ZMAT3: variants seen among roughly 807,000 people sequenced by gnomAD.
ZMAT3 encodes the protein zinc finger matrin-type 3.
In ZMAT3, 17 loss-of-function variants were observed where a neutral mutation model predicts 32.3. That is an observed-to-expected ratio of 0.53 (90% CI 0.36 to 0.79). The LOEUF (loss-of-function observed/expected upper bound fraction) is 0.79. ZMAT3 is among the 30% of genes least tolerant of loss of function. ZMAT3 has a pLI of 0.00. For synonymous variants in ZMAT3, 120 were observed against 133.1 expected (o/e 0.90, Z 0.68); for missense variants, 329 against 359.7 (o/e 0.91, Z 0.69).
chr3:179,057,623 C>T (rs1215872257), intron 2 of ZMAT3, among the ~76,000 whole-genome samples: 2 of 152,222 alleles, frequency 1.3e-5, no homozygotes, highest in Admixed American at 6.5e-5. Flanking sequence ...TCCTCACTAC[C>T]TGTGGCTACA....
Position 179,018,446 on chromosome 3 carries a change from T to C in ZMAT3, c.*6571A>G, listed in dbSNP as rs1718382543. On this transcript the variant is annotated 3_prime_UTR_variant, in exon 6 of 6. Coordinates refer to ENST00000311417, the MANE Select transcript of ZMAT3 (RefSeq NM_022470.4). ...TTTAAGTTCAAAGAACTGCCAGATG[T>C]CTAAAAAAAAAAGTGTAATTAGTAA... The C allele has an allele frequency of 6.6e-6, 1 of 151,724 alleles. No individual in the cohort carries two copies. 9.4% of individuals were successfully genotyped at this position (151,724 alleles called of 1,614,324 possible).
intron 2 of ZMAT3, among the ~76,000 whole-genome samples, chr3:179,062,922 T>G (rs775481916): frequency 3.3e-5 from 5 of 152,212 alleles, no homozygotes; most frequent in Non-Finnish European, 5.9e-5. Context: ...TTCTGCTCAT[T>G]TGAGACCCAA....
At chr3:179,039,149 C>T (rs1325499690) in intron 2 of ZMAT3, among the ~76,000 whole-genome samples, 2 of 152,254 alleles carry the variant, frequency 1.3e-5, no homozygotes, top group East Asian at 3.8e-4. Flanking sequence ...GAACAAAAGG[C>T]AGCAGACAAC....
rs577805507 is a variant in ZMAT3, at chr3:179,047,709, A to T, written c.271-16710T>A. Among the ~76,000 whole-genome samples, 3 of 151,624 alleles carry T rather than the reference A, an allele frequency of 2.0e-5. No individual in the cohort carries two copies. In the South Asian group the frequency reaches 6.3e-4, roughly 32 times the overall value. On this transcript the variant is annotated intron_variant, in intron 2 of 5. Coordinates refer to ENST00000311417, the MANE Select transcript of ZMAT3 (RefSeq NM_022470.4). ...CTCTACTAAAAATACAAAAAAAAAA[A>T]ATAGCCGGATGTGGTGGTGCTCGCC...
rs1412105270 is a variant in ZMAT3, at chr3:179,067,810, C to A, written c.-57-1G>T. 2 of 1,569,140 alleles carry A rather than the reference C, an allele frequency of 1.3e-6. No individual in the cohort carries two copies. The highest frequency in any genetic ancestry group is 1.7e-6 in the Non-Finnish European group (2 of 1,160,270). Reference sequence around the variant, plus strand: ...GTGATGAGAAGCAAGGTCTTCAAATCTGAATCAACAGCAAAAAAACAGAAA... The same window carrying A: ...GTGATGAGAAGCAAGGTCTTCAAATATGAATCAACAGCAAAAAAACAGAAA... On this transcript the variant is annotated splice_acceptor_variant, in intron 1 of 5. Transcript: ENST00000311417. LOFTEE classifies it low-confidence loss of function (5UTR_SPLICE).
At chr3:179,055,336 T>C (rs1038444058) in intron 2 of ZMAT3, among the ~76,000 whole-genome samples, 1 of 152,168 alleles carries the variant, frequency 6.6e-6, no homozygotes, top group African/African-American at 2.4e-5. Context: ...GCTAGACCTC[T>C]TCTGTAGAAA....
chr3:179,033,908 A>G (rs1009554913), intron 2 of ZMAT3, among the ~76,000 whole-genome samples: 12 of 152,220 alleles, frequency 7.9e-5, no homozygotes, highest in African/African-American at 2.9e-4. Context: ...CCAAAGCCTG[A>G]GACAGGCCTT....
At position 179,022,148 on chromosome 3, in the gene ZMAT3, G is replaced by A. The variant is rs1718577407; in HGVS notation, c.*2869C>T. Reference sequence around the variant, plus strand: ...TTTCTTTAAAAGAAAATGTGCTTATGCATTCATAACATCCATTAAGGGCAC... The same window carrying A: ...TTTCTTTAAAAGAAAATGTGCTTATACATTCATAACATCCATTAAGGGCAC... On this transcript the variant is annotated 3_prime_UTR_variant, in exon 6 of 6. Transcript: ENST00000311417. 6.6e-6 allele frequency: 1 copy of A among 152,110 alleles called. No homozygotes were observed. The highest frequency in any genetic ancestry group is 2.4e-5 in the African/African-American group (1 of 41,422). 9.4% of individuals were successfully genotyped at this position (152,110 alleles called of 1,614,324 possible).
chr3:179,059,711 C>A (rs886609673), intron 2 of ZMAT3, among the ~76,000 whole-genome samples: 14 of 152,152 alleles, frequency 9.2e-5, no homozygotes, highest in Admixed American at 5.9e-4. Context: ...AGACACCCCT[C>A]CAGAGGAAAT....
chr3:179,058,060 G>C (rs1357932902), intron 2 of ZMAT3, among the ~76,000 whole-genome samples: 1 of 152,218 alleles, frequency 6.6e-6, no homozygotes, highest in African/African-American at 2.4e-5. Flanking sequence ...GCAACCCGTG[G>C]TATACCTGAG....
At chr3:179,028,382 G>A (rs1043614762) in intron 3 of ZMAT3, among the ~76,000 whole-genome samples, 3 of 152,180 alleles carry the variant, frequency 2.0e-5, no homozygotes, top group African/African-American at 7.2e-5. Flanking sequence ...CTAACAGATT[G>A]CCCAGAAGAT....
intron 2 of ZMAT3, among the ~76,000 whole-genome samples, chr3:179,045,219 T>C (rs1028225135): frequency 2.6e-5 from 4 of 152,108 alleles, no homozygotes; most frequent in South Asian, 2.1e-4. Context: ...TGCAGTGTCA[T>C]AGAAGTCTGG....
intron 2 of ZMAT3, among the ~76,000 whole-genome samples, chr3:179,062,220 G>C (rs930089831): frequency 1.3e-5 from 2 of 152,150 alleles, no homozygotes; most frequent in African/African-American, 2.4e-5. Flanking sequence ...GCGGCCTATA[G>C]GAATGGAAAT....
Position 179,057,727 on chromosome 3 carries a change from G to A in ZMAT3, c.270+9756C>T, listed in dbSNP as rs1157024131. On this transcript the variant is annotated intron_variant, in intron 2 of 5. Coordinates refer to ENST00000311417, the MANE Select transcript of ZMAT3 (RefSeq NM_022470.4). ...GGCACCAGGGCCCTCAGTGAGGAAC[G>A]TATCCAGCCTATACTGGCTTATCCT... is the stretch of plus-strand genomic sequence containing the variant. Among the ~76,000 whole-genome samples, 6 of 152,190 alleles carry A rather than the reference G, an allele frequency of 3.9e-5. No individual in the cohort carries two copies. The East Asian group carries it at 5.8e-4, about 15-fold the overall frequency.
At chr3:179,042,521 AC>A (rs1476833628) in intron 2 of ZMAT3, among the ~76,000 whole-genome samples, 1 of 152,216 alleles carries the variant, frequency 6.6e-6, no homozygotes, top group African/African-American at 2.4e-5. Flanking sequence ...ACAAAACTCA[AC>A]AGCCTTCATG....
intron 2 of ZMAT3, among the ~76,000 whole-genome samples, chr3:179,060,787 A>G (rs1721114814): frequency 1.3e-5 from 2 of 152,196 alleles, no homozygotes; most frequent in African/African-American, 4.8e-5. Flanking sequence ...ATCTCAGACT[A>G]CAAGGATAAA....
At chr3:179,034,340 A>G (rs1253315507) in intron 2 of ZMAT3, among the ~76,000 whole-genome samples, 2 of 152,240 alleles carry the variant, frequency 1.3e-5, no homozygotes, top group African/African-American at 4.8e-5. Context: ...CAGTGGTCAC[A>G]TATGTGCCTT....
intron 2 of ZMAT3, among the ~76,000 whole-genome samples, chr3:179,037,502 C>A (rs1266359316): frequency 4.6e-5 from 7 of 152,260 alleles, no homozygotes; most frequent in African/African-American, 1.7e-4. Flanking sequence ...GGCCAAGGCA[C>A]AAGCCGAGCA....
In ZMAT3 at chr3:179,023,177, T is replaced by C. The variant is rs1234713171; in HGVS notation, c.*1840A>G. 1 of 151,482 alleles carries C rather than the reference T, an allele frequency of 6.6e-6. No homozygotes were observed. The highest frequency in any genetic ancestry group is 1.5e-5 in the Non-Finnish European group (1 of 67,856). The allele number at this position is 151,482 out of a possible 1,614,324, so 9.4% of individuals were successfully genotyped here. ...TATTATAGCTTCTTTTTTTTTTTTT[T>C]TGGAGACGGAGTATTGCTCTGTCGC... On this transcript the variant is annotated 3_prime_UTR_variant, in exon 6 of 6. Transcript: ENST00000311417.
Sources: gnomAD v4.1 joint callset for allele counts (sites outside exome capture counted in the v4.1 genomes callset) on GRCh38, gnomAD v4.1.1 for gene constraint, MANE v1.5 for transcripts, NCBI Gene and HGNC (gene_info 2026-07-23, HGNC 2026-07-21) for gene names.